NAV2: variants seen among roughly 807,000 people sequenced by gnomAD.
NAV2 encodes the protein helicase, APC down-regulated 1.
Under a neutral mutation model 223.2 loss-of-function variants are expected in NAV2, and 54 were observed. The ratio of observed to expected loss-of-function variants is 0.24; its 90% CI spans 0.19 to 0.30. The LOEUF (loss-of-function observed/expected upper bound fraction) is 0.30. Among genes scored for constraint, NAV2 ranks in the 10% least tolerant of loss-of-function variants. NAV2 has a pLI of 1.00. For synonymous variants in NAV2, 1,279 were observed against 1,239.3 expected (o/e 1.03, Z -0.67); for missense variants, 2,806 against 3,147.5 (o/e 0.89, Z 2.60).
At chr11:19,387,886 C>T (rs1232325048) in intron 1 of NAV2, among the ~76,000 whole-genome samples, 3 of 152,158 alleles carry the variant, frequency 2.0e-5, no homozygotes, top group African/African-American at 7.2e-5. Flanking sequence ...TTCTATGAAT[C>T]TTTGACCTGA....
chr11:19,553,464 A>G (rs1454634638), intron 1 of NAV2, among the ~76,000 whole-genome samples: 1 of 152,100 alleles, frequency 6.6e-6, no homozygotes, highest in Non-Finnish European at 1.5e-5. Context: ...ATACCCACCC[A>G]GGCCTCAGAG....
intron 1 of NAV2, among the ~76,000 whole-genome samples, chr11:19,536,306 C>A (rs947751574): frequency 6.6e-6 from 1 of 152,174 alleles, no homozygotes; most frequent in Non-Finnish European, 1.5e-5. Flanking sequence ...TCAAAGATCT[C>A]TCTCTGTCGA....
At position 20,118,628 on chromosome 11, in the gene NAV2, C is replaced by T. The variant is rs1358857679; in HGVS notation, c.*370C>T. 1.7e-5 allele frequency: 3 copies of T among 176,638 alleles called. No individual in the cohort carries two copies. Among genetic ancestry groups the T allele is most frequent in the Non-Finnish European group, 3.6e-5 (3 of 84,418 alleles). 10.9% of individuals were successfully genotyped at this position (176,638 alleles called of 1,614,324 possible). On this transcript the variant is annotated 3_prime_UTR_variant, in exon 38 of 38. Transcript: ENST00000349880. ...ACCCACATGAAGCTCTGAAACCAAA[C>T]AGCATCCTGCCATGAGCTTCCCAGA...
chr11:20,049,867 T>G lies in NAV2; in HGVS notation c.4402T>G (p.Phe1468Val). Residue 1468 changes from phenylalanine to valine, a missense_variant, in exon 16 of 38, where the codon TTC (phenylalanine) becomes GTC (valine). Physicochemically the swap from Phe to Val is conservative, Grantham distance 50. Coordinates refer to ENST00000349880, the MANE Select transcript of NAV2 (RefSeq NM_145117.5). The part of the protein sequence containing the change: ...PLSSPAASPK[F>V]CRSTLPRKQD... ...CTCTTCCCCTGCTGCTAGCCCTAAG[T>G]TCTGCAGAAGTACTCTGCCCAGGAA... The G allele has an allele frequency of 6.2e-7, 1 of 1,614,212 alleles. No homozygotes were observed. The highest frequency in any genetic ancestry group is 1.1e-5 in the South Asian group (1 of 91,086).
intron 22 of NAV2, among the ~76,000 whole-genome samples, chr11:20,077,222 C>T (rs761797886): frequency 1.1e-4 from 17 of 151,938 alleles, no homozygotes; most frequent in Middle Eastern, 3.4e-3. Flanking sequence ...ATGAGGGTGT[C>T]GTGAAAGTAC....
intron 1 of NAV2, among the ~76,000 whole-genome samples, chr11:19,818,230 G>T (rs1436948513): frequency 1.2e-4 from 9 of 74,014 alleles, no homozygotes; most frequent in East Asian, 5.7e-4. Flanking sequence ...TGTATTTAGT[G>T]ATTTTTTTTT....
chr11:19,903,431 A>G (rs2042609414), intron 6 of NAV2, among the ~76,000 whole-genome samples: 1 of 152,098 alleles, frequency 6.6e-6, no homozygotes, highest in African/African-American at 2.4e-5. Flanking sequence ...AGGCTCCCCA[A>G]ACTTTGTGGA....
At chr11:19,608,267 A>C (rs566274147) in intron 1 of NAV2, among the ~76,000 whole-genome samples, 2 of 152,352 alleles carry the variant, frequency 1.3e-5, no homozygotes, top group East Asian at 3.9e-4. Flanking sequence ...TGTTGTTCAG[A>C]CCACTGCCTC....
chr11:19,771,559 C>G lies in NAV2; in HGVS notation c.267+57597C>G, dbSNP rs567222725. ...TTGGGAGGGGTGATAGGAGACACTACTCTACCCAGAAATTCTTGACCCTCA... is the reference window on the plus strand; with the variant it reads ...TTGGGAGGGGTGATAGGAGACACTAGTCTACCCAGAAATTCTTGACCCTCA... On this transcript the variant is annotated intron_variant, in intron 1 of 37. Transcript: ENST00000349880. Among the ~76,000 whole-genome samples, 15 of 152,066 alleles carry G rather than the reference C, an allele frequency of 9.9e-5. 1 individual carries two copies. Among genetic ancestry groups the G allele is most frequent in the African/African-American group, 3.4e-4 (14 of 41,482 alleles).
intron 1 of NAV2, among the ~76,000 whole-genome samples, chr11:19,566,009 A>G (rs1439432855): frequency 2.1e-5 from 3 of 144,390 alleles, no homozygotes; most frequent in Non-Finnish European, 4.6e-5. Flanking sequence ...ACTGGGCTGC[A>G]GCATGAAGAG....
intron 1 of NAV2, among the ~76,000 whole-genome samples, chr11:19,605,559 A>T (rs76698907): frequency 0.012 from 1,894 of 151,626 alleles, 43 homozygotes; most frequent in East Asian, 0.063. Flanking sequence ...AAAGAAAGTC[A>T]TGAAAAGCTG....
chr11:19,558,734 T>A (rs925871991), intron 1 of NAV2, among the ~76,000 whole-genome samples: 2 of 152,200 alleles, frequency 1.3e-5, no homozygotes, highest in African/African-American at 4.8e-5. Context: ...CAATCCCCTG[T>A]ACAGCCTGTG....
chr11:19,523,188 G>A (rs1451645947), intron 1 of NAV2, among the ~76,000 whole-genome samples: 2 of 152,080 alleles, frequency 1.3e-5, no homozygotes, highest in Admixed American at 6.6e-5. Flanking sequence ...CACACCCAAG[G>A]CCCCCATCTC....
chr11:19,964,846 T>C (rs1484518902), intron 10 of NAV2, among the ~76,000 whole-genome samples: 1 of 106,562 alleles, frequency 9.4e-6, no homozygotes, highest in African/African-American at 3.6e-5. Flanking sequence ...TGAGATGGAG[T>C]TTCACTCTTG....
intron 26 of NAV2, among the ~76,000 whole-genome samples, chr11:20,084,006 G>A (rs372153678): frequency 6.6e-6 from 1 of 152,358 alleles, no homozygotes; most frequent in African/African-American, 2.4e-5. Context: ...AAATCAGCCT[G>A]TCCAGAGGCC....
At chr11:19,496,984 C>T (rs2729893) in intron 1 of NAV2, among the ~76,000 whole-genome samples, 1,814 of 152,258 alleles carry the variant, frequency 0.012, 37 homozygotes, top group African/African-American at 0.042. Context: ...GATACGTTAC[C>T]TAATCTTTCT....
chr11:20,064,612 CA>C (rs1317191512), intron 20 of NAV2, among the ~76,000 whole-genome samples: 3 of 152,194 alleles, frequency 2.0e-5, no homozygotes, highest in Non-Finnish European at 4.4e-5. Context: ...TTCCTGGGGG[CA>C]GCCCCTTCAT....
intron 1 of NAV2, among the ~76,000 whole-genome samples, chr11:19,808,877 T>C (rs2058713136): frequency 6.6e-6 from 1 of 152,254 alleles, no homozygotes. Flanking sequence ...TTCTAGTTTA[T>C]TGATTATTAA....
chr11:19,534,536 A>G (rs1419640423), intron 1 of NAV2, among the ~76,000 whole-genome samples: 1 of 152,214 alleles, frequency 6.6e-6, no homozygotes, highest in African/African-American at 2.4e-5. Context: ...AGAGAAAGGA[A>G]CAAGTGAACC....
Sources: gnomAD v4.1 joint callset for allele counts (sites outside exome capture counted in the v4.1 genomes callset) on GRCh38, gnomAD v4.1.1 for gene constraint, MANE v1.5 for transcripts, NCBI Gene and HGNC (gene_info 2026-07-23, HGNC 2026-07-21) for gene names.